The following SLX4IP variants were observed in gnomAD, a reference collection of about 807,000 sequenced individuals.
SLX4IP encodes the protein protein SLX4IP.
A neutral mutation model predicts 32.9 loss-of-function variants in SLX4IP; 34 were observed. The ratio of observed to expected loss-of-function variants is 1.03; its 90% confidence interval spans 0.79 to 1.38. The LOEUF (loss-of-function observed/expected upper bound fraction) is 1.38, where lower values mean the gene tolerates loss of function less well. Among genes scored for constraint, SLX4IP ranks in the 40% most tolerant of loss-of-function variants. The pLI is 0.00. For missense variants in SLX4IP, 444 were observed against 479.0 expected (o/e 0.93, Z 0.68); for synonymous variants, 172 against 171.7 (o/e 1.00, Z -0.01).
chr20:10,558,369 G>A (rs78862415), intron 3 of SLX4IP, among the ~76,000 whole-genome samples: 11,187 of 147,622 alleles, frequency 0.076, 472 homozygotes, highest in African/African-American at 0.13. Context: ...AAAACAATTC[G>A]CTGATGTTAA....
intron 2 of SLX4IP, among the ~76,000 whole-genome samples, chr20:10,522,569 G>GCATGCA (rs573238398): frequency 1.2e-3 from 182 of 152,262 alleles, no homozygotes; most frequent in African/African-American, 4.1e-3. Context: ...CAGTGACAGT[G>GCATGCA]CATGCAACTA....
intron 2 of SLX4IP, among the ~76,000 whole-genome samples, chr20:10,470,781 G>T (rs2065418708): frequency 6.6e-6 from 1 of 152,086 alleles, no homozygotes; most frequent in African/African-American, 2.4e-5. Context: ...GATCATGTCT[G>T]GTTCTAAATT....
At chr20:10,543,727 C>T (rs2066134226) in intron 2 of SLX4IP, among the ~76,000 whole-genome samples, 1 of 152,114 alleles carries the variant, frequency 6.6e-6, no homozygotes, top group Non-Finnish European at 1.5e-5. Context: ...ATGAACTGAC[C>T]ATTGGGCTTG....
intron 6 of SLX4IP, among the ~76,000 whole-genome samples, chr20:10,612,561 T>C (rs1187145395): frequency 6.6e-6 from 1 of 152,222 alleles, no homozygotes; most frequent in African/African-American, 2.4e-5. Flanking sequence ...ATTATTATTA[T>C]TGAGATGCAG....
intron 2 of SLX4IP, among the ~76,000 whole-genome samples, chr20:10,543,970 T>C (rs1324549091): frequency 6.6e-6 from 1 of 152,154 alleles, no homozygotes; most frequent in Non-Finnish European, 1.5e-5. Context: ...ATGGATGAAA[T>C]GTATAGCTGT....
At chr20:10,468,164 G>A (rs1359717166) in intron 2 of SLX4IP, among the ~76,000 whole-genome samples, 1 of 152,106 alleles carries the variant, frequency 6.6e-6, no homozygotes, top group Non-Finnish European at 1.5e-5. Flanking sequence ...CACACCCTGG[G>A]CTTGCCAAAT....
intron 2 of SLX4IP, among the ~76,000 whole-genome samples, chr20:10,511,914 A>G (rs1178181884): frequency 6.6e-6 from 1 of 152,256 alleles, no homozygotes; most frequent in African/African-American, 2.4e-5. Context: ...ATTGTTGCAT[A>G]GTAAAAACTC....
At chr20:10,618,376 A>G (rs1488290288) in intron 6 of SLX4IP, among the ~76,000 whole-genome samples, 1 of 152,208 alleles carries the variant, frequency 6.6e-6, no homozygotes, top group Non-Finnish European at 1.5e-5. Context: ...GAAACTTTTG[A>G]ACCAAAAATC....
chr20:10,445,957 T>TA (rs1486606745), intron 1 of SLX4IP, among the ~76,000 whole-genome samples: 5 of 142,952 alleles, frequency 3.5e-5, no homozygotes, highest in African/African-American at 1.1e-4. Context: ...TTTTTTTTTT[T>TA]AACTCAGCCT....
chr20:10,586,377 G>A (rs2066645549), intron 4 of SLX4IP, among the ~76,000 whole-genome samples: 1 of 152,176 alleles, frequency 6.6e-6, no homozygotes, highest in African/African-American at 2.4e-5. Flanking sequence ...GTTATAGCTA[G>A]GCATTTGCCT....
chr20:10,458,382 C>T lies in SLX4IP; in HGVS notation c.27+151C>T, dbSNP rs1339599341. The T allele has an allele frequency of 8.5e-6, 5 of 586,284 alleles. No homozygotes were observed. The Admixed American group carries it at 1.1e-4, about 13-fold the overall frequency. 36.3% of individuals were successfully genotyped at this position (586,284 alleles called of 1,614,324 possible). A position where few individuals can be genotyped will look rare whatever the true frequency, so the allele number is the denominator to read the frequency against. Reference sequence around the variant, plus strand: ...TTTTTTTTCCTTCAACTTTTAAGTTCTGGGGCATGTGTGCAGGATGCGCAG... The same window carrying T: ...TTTTTTTTCCTTCAACTTTTAAGTTTTGGGGCATGTGTGCAGGATGCGCAG... On this transcript the variant is annotated intron_variant, in intron 2 of 7. Transcript: ENST00000334534.
At chr20:10,582,620 G>A (rs963426822) in intron 4 of SLX4IP, among the ~76,000 whole-genome samples, 26 of 152,022 alleles carry the variant, frequency 1.7e-4, no homozygotes, top group African/African-American at 4.8e-5. Flanking sequence ...TGGGCCACTA[G>A]TTTAAAAATC....
chr20:10,489,400 G>A (rs2065601511), intron 2 of SLX4IP, among the ~76,000 whole-genome samples: 2 of 152,134 alleles, frequency 1.3e-5, no homozygotes, highest in East Asian at 1.9e-4. Context: ...ACCACCTAAG[G>A]CCTTCTCTTT....
chr20:10,553,013 T>C lies in SLX4IP; in HGVS notation c.28-3218T>C, dbSNP rs112167846. Among the ~76,000 whole-genome samples, 365 of 152,330 alleles carry C rather than the reference T, an allele frequency of 2.4e-3. 2 individuals carry two copies. Among genetic ancestry groups the C allele is most frequent in the African/African-American group, 7.6e-3 (316 of 41,574 alleles). On this transcript the variant is annotated intron_variant, in intron 2 of 7. Coordinates refer to ENST00000334534, the MANE Select transcript of SLX4IP (RefSeq NM_001009608.3). ...TGTTTTACCGCTTTGGAAGGGCTTTTATTCCAGAATCCTTGGAACTTCAAT... is the reference window on the plus strand; with the variant it reads ...TGTTTTACCGCTTTGGAAGGGCTTTCATTCCAGAATCCTTGGAACTTCAAT...
chr20:10,442,945 A>C (rs1338957225), intron 1 of SLX4IP, among the ~76,000 whole-genome samples: 2 of 152,222 alleles, frequency 1.3e-5, no homozygotes, highest in African/African-American at 4.8e-5. Flanking sequence ...AAGACAAAGA[A>C]ATTTATGCAC....
rs2067140992 is a variant in SLX4IP at position 10,623,460 on chromosome 20, G to T, written c.*81G>T. Reference sequence around the variant, plus strand: ...AGAGAGCTGCGAATATAGATGCCGGGATTTTAAAGGAATTAATTAGAATGA... The same window carrying T: ...AGAGAGCTGCGAATATAGATGCCGGTATTTTAAAGGAATTAATTAGAATGA... On this transcript the variant is annotated 3_prime_UTR_variant, in exon 8 of 8. Coordinates refer to ENST00000334534, the MANE Select transcript of SLX4IP (RefSeq NM_001009608.3). 6.7e-7 allele frequency: 1 copy of T among 1,493,808 alleles called. No homozygotes were observed. Among genetic ancestry groups the T allele is most frequent in the African/African-American group, 1.4e-5 (1 of 70,790 alleles). The allele number at this position is 1,493,808 out of a possible 1,614,324, so 92.5% of individuals were successfully genotyped here.
At chr20:10,547,289 T>TTTACTC (rs5840382) in intron 2 of SLX4IP, among the ~76,000 whole-genome samples, 87,620 of 151,312 alleles carry the variant, frequency 0.58, 25,846 homozygotes, top group South Asian at 0.75. Context: ...TCCTTTGTGT[T>TTTACTC]TTTATCTTTG....
chr20:10,451,709 CTG>C (rs2065243706), intron 1 of SLX4IP, among the ~76,000 whole-genome samples: 1 of 152,116 alleles, frequency 6.6e-6, no homozygotes, highest in Non-Finnish European at 1.5e-5. Flanking sequence ...TGACTCATGA[CTG>C]TAATCCCAGC....
intron 4 of SLX4IP, among the ~76,000 whole-genome samples, chr20:10,579,433 T>G (rs1021478777): frequency 6.6e-6 from 1 of 152,056 alleles, no homozygotes; most frequent in African/African-American, 2.4e-5. Context: ...CTTTTTTCTT[T>G]TTTTTCTTTT....
Sources: allele counts gnomAD v4.1 joint callset (sites outside exome capture counted in the v4.1 genomes callset), GRCh38; gene constraint gnomAD v4.1.1; transcripts MANE v1.5; gene names NCBI Gene and HGNC (gene_info 2026-07-23, HGNC 2026-07-21).